Variants in PTP4A3 observed in about 807,000 individuals in gnomAD.
PTP4A3 encodes protein tyrosine phosphatase 4A3, also known as protein tyrosine phosphatase type IVA 3.
In PTP4A3, 9 loss-of-function variants were observed where a neutral mutation model predicts 15.2. The ratio of observed to expected loss-of-function variants is 0.59; its 90% confidence interval spans 0.36 to 1.03. The LOEUF (loss-of-function observed/expected upper bound fraction) is 1.03. Ranked by LOEUF, PTP4A3 falls within the 50% of genes least tolerant of loss-of-function variation. The pLI is 0.02. For synonymous variants in PTP4A3, 95 were observed against 102.0 expected (o/e 0.93, Z 0.41); for missense variants, 234 against 252.1 (o/e 0.93, Z 0.49).
In PTP4A3 at chr8:141,431,071, T is replaced by C. The variant is rs568716975; in HGVS notation, c.*27T>C. ...TCAGGACCTTGGCTGGGCCTGGTCG[T>C]CATGTAGGTCAGGACCTTGGCTGGA... On this transcript the variant is annotated 3_prime_UTR_variant, in exon 6 of 6. Transcript: ENST00000521578. The C allele has an allele frequency of 1.4e-5, 23 of 1,606,264 alleles. No individual in the cohort carries two copies. The South Asian group carries it at 2.1e-4, about 15-fold the overall frequency.
rs116355818 is a variant in PTP4A3 at position 141,407,152 on chromosome 8, G to A, written c.-853-14236G>A. The stretch of plus-strand genomic sequence containing the variant: ...ACAGCCCGGACAGAACCTAGAAGGT[G>A]TGGATTCTGCCTGCCTGCCCTGTGT... On this transcript the variant is annotated intron_variant, in intron 1 of 5. Coordinates refer to ENST00000521578, the MANE Select transcript of PTP4A3 (RefSeq NM_032611.3). Among the ~76,000 whole-genome samples the A allele has an allele frequency of 6.3e-3, 953 of 152,362 alleles. 5 individuals carry two copies. The highest frequency in any genetic ancestry group is 0.034 in the Middle Eastern group (10 of 294).
At chr8:141,405,354 G>A (rs1178161727) in intron 1 of PTP4A3, among the ~76,000 whole-genome samples, 1 of 152,204 alleles carries the variant, frequency 6.6e-6, no homozygotes, top group African/African-American at 2.4e-5. Context: ...ACACCCAGCA[G>A]ACGCTCCTTC....
intron 1 of PTP4A3, among the ~76,000 whole-genome samples, chr8:141,405,682 T>C (rs1381285994): frequency 6.6e-6 from 1 of 151,548 alleles, no homozygotes; most frequent in Non-Finnish European, 1.5e-5. Context: ...GGCCGGTCTC[T>C]TGTCCTGCGT....
chr8:141,428,867 G>A (rs1010311908), intron 5 of PTP4A3, among the ~76,000 whole-genome samples: 4 of 152,210 alleles, frequency 2.6e-5, no homozygotes, highest in African/African-American at 9.6e-5. Flanking sequence ...TGCACACATG[G>A]ACACACATGG....
intron 1 of PTP4A3, among the ~76,000 whole-genome samples, chr8:141,399,063 G>A (rs985146637): frequency 6.6e-6 from 1 of 151,470 alleles, no homozygotes; most frequent in Non-Finnish European, 1.5e-5. Flanking sequence ...GAAGAGGCTC[G>A]GGAGGGCTCG....
chr8:141,399,604 GC>G (rs1448958135), intron 1 of PTP4A3, among the ~76,000 whole-genome samples: 1 of 152,254 alleles, frequency 6.6e-6, no homozygotes, highest in Non-Finnish European at 1.5e-5. Flanking sequence ...GGAGACCCCG[GC>G]CCCCACAGCA....
At position 141,425,535 on chromosome 8, in the gene PTP4A3, G is replaced by T. The variant is rs546757523; in HGVS notation, c.198+395G>T. The stretch of plus-strand genomic sequence containing the variant: ...CTGTTGCCAGGCAGCAGGCTCCTGG[G>T]GAGGGCCCTTGGGCAGTTTCCTCGG... On this transcript the variant is annotated intron_variant, in intron 3 of 5. Transcript: ENST00000521578. This position sits in a 1 kb window ranked among gnomAD's most constrained non-coding sequence, Gnocchi z 4.2. Among the ~76,000 whole-genome samples the T allele has an allele frequency of 3.4e-4, 51 of 150,310 alleles. No individual in the cohort carries two copies. Among genetic ancestry groups the T allele is most frequent in the African/African-American group, 1.2e-3 (51 of 40,830 alleles).
chr8:141,418,716 G>T (rs1833175258), intron 1 of PTP4A3, among the ~76,000 whole-genome samples: 1 of 152,188 alleles, frequency 6.6e-6, no homozygotes, highest in Non-Finnish European at 1.5e-5. Context: ...GGTGGGGGTG[G>T]TAGCGACTCA....
chr8:141,396,635 G>A (rs1832458169), intron 1 of PTP4A3, among the ~76,000 whole-genome samples: 1 of 152,190 alleles, frequency 6.6e-6, no homozygotes, highest in African/African-American at 2.4e-5. Flanking sequence ...AGGCACACGG[G>A]GGACAAAGGG....
In PTP4A3 at chr8:141,406,275, G is replaced by A. The variant is rs1010000258; in HGVS notation, c.-854+14191G>A. ...GCTTCCTGCCCCATCTGGGGATTCCGGGGACTTTCCATTTCCTCACCTTGC... is the reference window on the plus strand; with the variant it reads ...GCTTCCTGCCCCATCTGGGGATTCCAGGGACTTTCCATTTCCTCACCTTGC... On this transcript the variant is annotated intron_variant, in intron 1 of 5. Coordinates refer to ENST00000521578, the MANE Select transcript of PTP4A3 (RefSeq NM_032611.3). The surrounding 1 kb of genome is among the most constrained non-coding windows in gnomAD (Gnocchi z 4.5). 4.6e-5 allele frequency among the ~76,000 whole-genome samples: 7 copies of A among 152,224 alleles called. No individual in the cohort carries two copies. Among genetic ancestry groups the A allele is most frequent in the Non-Finnish European group, 7.4e-5 (5 of 68,000 alleles).
chr8:141,429,533 A>C (rs1408394565), intron 5 of PTP4A3, among the ~76,000 whole-genome samples: 2 of 151,632 alleles, frequency 1.3e-5, no homozygotes, highest in East Asian at 1.9e-4. Flanking sequence ...TGTAAGGACC[A>C]GGTGGCGGGA....
chr8:141,415,038 C>A (rs1487367602), intron 1 of PTP4A3, among the ~76,000 whole-genome samples: 1 of 151,942 alleles, frequency 6.6e-6, no homozygotes, highest in Non-Finnish European at 1.5e-5. Context: ...TGGGTGGGGT[C>A]CACTGAGTCG....
chr8:141,396,517 G>A (rs572567142), intron 1 of PTP4A3, among the ~76,000 whole-genome samples: 54 of 152,312 alleles, frequency 3.5e-4, no homozygotes, highest in Admixed American at 2.1e-3. Context: ...CTCTCACCGA[G>A]CCCACAGCCC....
intron 1 of PTP4A3, among the ~76,000 whole-genome samples, chr8:141,417,017 C>CGGGCACAGAGTGGGTGGTGATGCGGGT (rs1833083170): frequency 6.6e-6 from 1 of 152,058 alleles, no homozygotes; most frequent in Non-Finnish European, 1.5e-5. Context: ...GTGGCCAGGG[C>CGGGCACAGAGTGGGTGGTGATGCGGGT]GGGCACAGAG....
intron 1 of PTP4A3, among the ~76,000 whole-genome samples, chr8:141,419,952 A>G (rs1030360167): frequency 6.6e-6 from 1 of 152,186 alleles, no homozygotes; most frequent in African/African-American, 2.4e-5. Context: ...CTCTGAGCCC[A>G]TGAGCACTGG....
chr8:141,399,135 C>A (rs1832522545), intron 1 of PTP4A3, among the ~76,000 whole-genome samples: 1 of 152,152 alleles, frequency 6.6e-6, no homozygotes, highest in South Asian at 2.1e-4. Context: ...CTGTCACCAC[C>A]CCTCCTGTGG....
intron 5 of PTP4A3, among the ~76,000 whole-genome samples, chr8:141,430,489 C>T (rs943220744): frequency 1.3e-5 from 2 of 152,218 alleles, no homozygotes; most frequent in Non-Finnish European, 2.9e-5. Flanking sequence ...ACAGGGTGAG[C>T]ATGCAGCCCA....
chr8:141,419,461 C>G (rs763059877), intron 1 of PTP4A3, among the ~76,000 whole-genome samples: 1 of 152,236 alleles, frequency 6.6e-6, no homozygotes, highest in Non-Finnish European at 1.5e-5. Flanking sequence ...CCCTCACCCA[C>G]ACTCAGAGCC....
At chr8:141,405,029 C>G (rs550616724) in intron 1 of PTP4A3, among the ~76,000 whole-genome samples, 1 of 152,322 alleles carries the variant, frequency 6.6e-6, no homozygotes, top group Admixed American at 6.5e-5. Context: ...TGGGCCTGAC[C>G]CTGTGCCTGA....
Sources: gnomAD v4.1 joint callset for allele counts (sites outside exome capture counted in the v4.1 genomes callset) on GRCh38, gnomAD v4.1.1 for gene constraint, Gnocchi (gnomAD v3.1) non-coding constraint, MANE v1.5 for transcripts, NCBI Gene and HGNC (gene_info 2026-07-23, HGNC 2026-07-21) for gene names.